GRID1: variants seen among roughly 807,000 people sequenced by gnomAD.
GRID1 encodes the protein glutamate receptor ionotropic, delta-1.
In GRID1, 28 loss-of-function variants were observed where a neutral mutation model predicts 98.0. That is an observed-to-expected ratio of 0.29 (90% CI 0.21 to 0.39). The LOEUF (loss-of-function observed/expected upper bound fraction) is 0.39. Among genes scored for constraint, GRID1 ranks in the 10% least tolerant of loss-of-function variants. The probability of loss-of-function intolerance (pLI) is 1.00; values close to 1 mark genes in which losing one functional copy is unlikely to be tolerated. For synonymous variants in GRID1, 553 were observed against 538.5 expected (o/e 1.03, Z -0.37); for missense variants, 1,111 against 1,340.5 (o/e 0.83, Z 2.67).
intron 4 of GRID1, among the ~76,000 whole-genome samples, chr10:86,016,698 T>C (rs1842986008): frequency 6.6e-6 from 1 of 152,226 alleles, no homozygotes; most frequent in South Asian, 2.1e-4. Flanking sequence ...TATTTTATTT[T>C]CAATGGCTCT....
At chr10:86,344,118 C>A (rs1302209360) in intron 2 of GRID1, among the ~76,000 whole-genome samples, 1 of 152,230 alleles carries the variant, frequency 6.6e-6, no homozygotes, top group Non-Finnish European at 1.5e-5. Flanking sequence ...GGGGTGGAGC[C>A]TGGGCACTGA....
intron 2 of GRID1, among the ~76,000 whole-genome samples, chr10:86,329,482 G>C (rs1478722184): frequency 6.6e-6 from 1 of 152,226 alleles, no homozygotes; most frequent in Non-Finnish European, 1.5e-5. Flanking sequence ...AGCCTGAGAA[G>C]GGCTTTGGCA....
intron 8 of GRID1, among the ~76,000 whole-genome samples, chr10:85,845,571 T>C (rs1434851929): frequency 2.0e-5 from 3 of 152,218 alleles, no homozygotes; most frequent in East Asian, 1.9e-4. Context: ...TATAAGAAAA[T>C]ACAAAGAGTC....
At chr10:85,838,663 G>GA (rs771307623) in intron 8 of GRID1, among the ~76,000 whole-genome samples, 107 of 151,996 alleles carry the variant, frequency 7.0e-4, no homozygotes, top group Non-Finnish European at 5.6e-4. Context: ...ACTAAATATG[G>GA]AAAAAAATAC....
At chr10:85,665,263 G>T (rs1841006440) in intron 12 of GRID1, among the ~76,000 whole-genome samples, 1 of 152,090 alleles carries the variant, frequency 6.6e-6, no homozygotes, top group Admixed American at 6.5e-5. Context: ...CATGTTTACA[G>T]CTGTGGGGTT....
At chr10:85,842,501 C>T (rs1842970316) in intron 8 of GRID1, among the ~76,000 whole-genome samples, 1 of 151,776 alleles carries the variant, frequency 6.6e-6, no homozygotes, top group Admixed American at 6.6e-5. Flanking sequence ...AGTGATAAAC[C>T]TCTAACAAGA....
intron 4 of GRID1, among the ~76,000 whole-genome samples, chr10:85,929,726 A>G (rs140457892): frequency 1.2e-3 from 178 of 152,278 alleles, no homozygotes; most frequent in African/African-American, 4.0e-3. Context: ...CTATTGACAA[A>G]TGGCAGTCCC....
chr10:85,626,884 T>A (rs1290464434), intron 13 of GRID1, among the ~76,000 whole-genome samples: 1 of 152,126 alleles, frequency 6.6e-6, no homozygotes, highest in Non-Finnish European at 1.5e-5. Context: ...GAATGGCAAT[T>A]TGGTGGGGAG....
intron 13 of GRID1, among the ~76,000 whole-genome samples, chr10:85,634,464 C>G (rs1437881101): frequency 6.6e-6 from 1 of 151,916 alleles, no homozygotes; most frequent in Non-Finnish European, 1.5e-5. Flanking sequence ...TTGATGATGA[C>G]AAGATAATGA....
intron 13 of GRID1, among the ~76,000 whole-genome samples, chr10:85,629,445 C>T (rs1441998968): frequency 6.7e-6 from 1 of 150,260 alleles, no homozygotes; most frequent in Non-Finnish European, 1.5e-5. Flanking sequence ...CAGGTGTACA[C>T]ATTATTTAGC....
At chr10:86,113,740 T>C (rs921241706) in intron 4 of GRID1, among the ~76,000 whole-genome samples, 1 of 152,136 alleles carries the variant, frequency 6.6e-6, no homozygotes, top group Non-Finnish European at 1.5e-5. Context: ...GTGGGTGAGC[T>C]GGTGGGGCTG....
At chr10:86,259,061 T>A (rs890159871) in intron 2 of GRID1, among the ~76,000 whole-genome samples, 2 of 152,274 alleles carry the variant, frequency 1.3e-5, no homozygotes, top group African/African-American at 4.8e-5. Context: ...GAACCTCTGA[T>A]GAGGAAAACA....
intron 4 of GRID1, among the ~76,000 whole-genome samples, chr10:86,013,952 T>C (rs551127270): frequency 2.0e-5 from 3 of 152,336 alleles, no homozygotes; most frequent in East Asian, 3.9e-4. Context: ...CTGCATCCCA[T>C]GTTATTCACA....
chr10:86,213,759 C>A (rs1846137918), intron 2 of GRID1, among the ~76,000 whole-genome samples: 2 of 152,136 alleles, frequency 1.3e-5, no homozygotes, highest in African/African-American at 4.8e-5. Context: ...ACCCATCTGC[C>A]TGAGTTCTCC....
intron 2 of GRID1, among the ~76,000 whole-genome samples, chr10:86,282,513 C>A (rs1052747659): frequency 6.6e-6 from 1 of 152,098 alleles, no homozygotes; most frequent in Non-Finnish European, 1.5e-5. Flanking sequence ...GTGCAATTCC[C>A]CAGCAAGCTC....
chr10:85,685,887 T>A (rs900581279), intron 12 of GRID1, among the ~76,000 whole-genome samples: 6 of 152,132 alleles, frequency 3.9e-5, no homozygotes, highest in Non-Finnish European at 8.8e-5. Context: ...CATAGTGATG[T>A]ATTTAATAAA....
chr10:85,917,424 A>G (rs1841636337), intron 4 of GRID1, among the ~76,000 whole-genome samples: 1 of 152,196 alleles, frequency 6.6e-6, no homozygotes, highest in South Asian at 2.1e-4. Flanking sequence ...ATGTTGTTTG[A>G]GGTGTCACCT....
rs778866457 is a variant in GRID1 at position 86,365,557 on chromosome 10, T to G, written c.79+757A>C. 3.3e-5 allele frequency among the ~76,000 whole-genome samples: 5 copies of G among 150,292 alleles called. No individual in the cohort carries two copies. Among genetic ancestry groups the G allele is most frequent in the Non-Finnish European group, 7.4e-5 (5 of 67,682 alleles). On this transcript the variant is annotated intron_variant, in intron 1 of 15. Transcript: ENST00000327946. This position sits in a 1 kb window ranked among gnomAD's most constrained non-coding sequence, Gnocchi z 4.8. ...CGCTCAGCATCCCCCTACCCCCCGCTGCCCACGCTTCTTCCCTCGGCTCCC... is the reference window on the plus strand; with the variant it reads ...CGCTCAGCATCCCCCTACCCCCCGCGGCCCACGCTTCTTCCCTCGGCTCCC...
chr10:85,811,805 C>A (rs1258793403), intron 8 of GRID1, among the ~76,000 whole-genome samples: 1 of 152,082 alleles, frequency 6.6e-6, no homozygotes, highest in East Asian at 1.9e-4. Context: ...TAGCAGAAAA[C>A]TTCCCAAGTC....
Sources: gnomAD v4.1 joint callset for allele counts (sites outside exome capture counted in the v4.1 genomes callset) on GRCh38, gnomAD v4.1.1 for gene constraint, Gnocchi (gnomAD v3.1) non-coding constraint, MANE v1.5 for transcripts, NCBI Gene and HGNC (gene_info 2026-07-23, HGNC 2026-07-21) for gene names.